Variants in UBE3D observed in about 807,000 individuals in gnomAD.
UBE3D encodes ubiquitin protein ligase E3D.
Under a neutral mutation model 49.6 loss-of-function variants are expected in UBE3D, and 48 were observed. The ratio of observed to expected loss-of-function variants is 0.97; its 90% CI spans 0.77 to 1.23. The LOEUF is 1.23. Among genes scored for constraint, UBE3D ranks in the 50% most tolerant of loss-of-function variants. UBE3D has a pLI of 0.00. For missense variants in UBE3D, 452 were observed against 468.4 expected, an observed-to-expected ratio of 0.96 and a Z score of 0.32; for synonymous variants, 189 against 174.2, an observed-to-expected ratio of 1.08 and a Z score of -0.67.
At chr6:82,928,950 C>T (rs953831382) in intron 9 of UBE3D, among the ~76,000 whole-genome samples, 3 of 152,126 alleles carry the variant, frequency 2.0e-5, no homozygotes, top group Admixed American at 6.5e-5. Context: ...ACACCTTAAT[C>T]AATTATTCTG....
intron 3 of UBE3D, chr6:83,049,611 C>T: frequency 3.1e-6 from 1 of 319,512 alleles, no homozygotes; most frequent in South Asian, 2.6e-5. Flanking sequence ...GGTTGGATAT[C>T]CTGACATCTC....
intron 9 of UBE3D, among the ~76,000 whole-genome samples, chr6:82,895,926 A>C (rs1401767547): frequency 6.6e-6 from 1 of 152,204 alleles, no homozygotes; most frequent in Non-Finnish European, 1.5e-5. Flanking sequence ...AACAACTACA[A>C]AAGAGGCTAA....
chr6:83,001,148 C>T (rs1279561994), intron 8 of UBE3D, among the ~76,000 whole-genome samples: 3 of 152,038 alleles, frequency 2.0e-5, no homozygotes, highest in Non-Finnish European at 4.4e-5. Context: ...CCGGCCCAAG[C>T]ATCAGTTCTT....
At chr6:83,057,754 A>G in intron 2 of UBE3D, 72 bp downstream of exon 2, 1 of 1,510,276 alleles carries the variant, frequency 6.6e-7, no homozygotes, top group Non-Finnish European at 9.0e-7. Context: ...AGTTCAACTT[A>G]TCAAAGGAAA....
At chr6:82,993,940 A>G (rs1779070874) in intron 8 of UBE3D, among the ~76,000 whole-genome samples, 1 of 152,190 alleles carries the variant, frequency 6.6e-6, no homozygotes, top group African/African-American at 2.4e-5. Context: ...TTTTGACTTC[A>G]TTAATCTAGA....
intron 9 of UBE3D, among the ~76,000 whole-genome samples, chr6:82,911,264 T>C (rs1178244095): frequency 6.7e-6 from 1 of 150,130 alleles, no homozygotes; most frequent in Admixed American, 6.6e-5. Flanking sequence ...AGTCTTTTCA[T>C]TTATTACCTT....
At chr6:83,021,662 C>T (rs1383283410) in intron 7 of UBE3D, among the ~76,000 whole-genome samples, 4 of 151,362 alleles carry the variant, frequency 2.6e-5, no homozygotes, top group Non-Finnish European at 5.9e-5. Context: ...GTCAGGAGAT[C>T]GAGACCATCC....
chr6:83,022,084 C>T (rs1427664513), intron 7 of UBE3D, among the ~76,000 whole-genome samples: 9 of 151,644 alleles, frequency 5.9e-5, no homozygotes, highest in Admixed American at 2.0e-4. Flanking sequence ...TTGAGTGCAG[C>T]GGCACCATCT....
At chr6:82,944,500 A>C (rs996682634) in intron 9 of UBE3D, among the ~76,000 whole-genome samples, 1 of 152,168 alleles carries the variant, frequency 6.6e-6, no homozygotes, top group African/African-American at 2.4e-5. Context: ...AGATTCTGAG[A>C]GTTGCTGACT....
At chr6:82,919,773 T>G (rs965590254) in intron 9 of UBE3D, among the ~76,000 whole-genome samples, 2 of 152,146 alleles carry the variant, frequency 1.3e-5, no homozygotes, top group African/African-American at 4.8e-5. Context: ...TTTTTGAATT[T>G]GGGCAAGGAG....
chr6:82,966,829 C>G (rs965401300), intron 8 of UBE3D, among the ~76,000 whole-genome samples: 1 of 152,076 alleles, frequency 6.6e-6, no homozygotes, highest in African/African-American at 2.4e-5. Flanking sequence ...ATGCTGAATG[C>G]ACTGATTTAA....
At chr6:83,061,891 T>C (rs1419547871) in intron 1 of UBE3D, among the ~76,000 whole-genome samples, 1 of 152,186 alleles carries the variant, frequency 6.6e-6, no homozygotes, top group Non-Finnish European at 1.5e-5. Flanking sequence ...CTCTCTGAAC[T>C]AGGCACCCTT....
the UBE3D span, among the ~76,000 whole-genome samples, chr6:82,881,408 A>T: frequency 6.6e-6 from 1 of 152,150 alleles, no homozygotes; most frequent in Admixed American, 6.6e-5. Context: ...CTCACAGAGG[A>T]GGAGGATTAT....
At chr6:82,979,822 C>T (rs1283649279) in intron 8 of UBE3D, among the ~76,000 whole-genome samples, 1 of 152,104 alleles carries the variant, frequency 6.6e-6, no homozygotes, top group Admixed American at 6.6e-5. Context: ...TTAGCTCCCA[C>T]TTGTAAGTAA....
intron 9 of UBE3D, among the ~76,000 whole-genome samples, chr6:82,904,512 T>C (rs1237708322): frequency 6.6e-6 from 1 of 152,170 alleles, no homozygotes; most frequent in Non-Finnish European, 1.5e-5. Context: ...CTTAGCTCCC[T>C]CCAGTTCTGC....
intron 4 of UBE3D, among the ~76,000 whole-genome samples, chr6:83,040,488 T>C (rs1041853719): frequency 1.9e-4 from 29 of 151,928 alleles, no homozygotes; most frequent in African/African-American, 6.8e-4. Flanking sequence ...GCCTATTCTT[T>C]CCCCCAGCCT....
chr6:83,004,027 C>A (rs1276985482), intron 8 of UBE3D, among the ~76,000 whole-genome samples: 1 of 152,136 alleles, frequency 6.6e-6, no homozygotes, highest in East Asian at 1.9e-4. Flanking sequence ...AGAGTAATTT[C>A]CATTCAATGG....
intron 8 of UBE3D, among the ~76,000 whole-genome samples, chr6:82,980,172 C>A (rs73478998): frequency 0.18 from 26,624 of 151,966 alleles, 2,505 homozygotes; most frequent in African/African-American, 0.24. Flanking sequence ...TATTGTTTTC[C>A]ATAGAAGTTG....
At chr6:82,960,882 A>G (rs1776499715) in intron 8 of UBE3D, among the ~76,000 whole-genome samples, 1 of 152,164 alleles carries the variant, frequency 6.6e-6, no homozygotes, top group Admixed American at 6.5e-5. Context: ...CAGAATTTAT[A>G]CCACTGACCC....
Sources: allele counts gnomAD v4.1 joint callset (sites outside exome capture counted in the v4.1 genomes callset), GRCh38; gene constraint gnomAD v4.1.1; transcripts MANE v1.5; gene names NCBI Gene and HGNC (gene_info 2026-07-23, HGNC 2026-07-21).